The following THSD7B variants were observed in gnomAD, a reference collection of about 807,000 sequenced individuals.
The protein encoded by THSD7B is thrombospondin type-1 domain-containing protein 7B.
A neutral mutation model predicts 213.6 loss-of-function variants in THSD7B; 138 were observed. The ratio of observed to expected loss-of-function variants is 0.65; its 90% CI spans 0.56 to 0.74. The LOEUF is 0.74. Among genes scored for constraint, THSD7B ranks in the 30% least tolerant of loss-of-function variants. The probability of loss-of-function intolerance (pLI) is 0.00; values close to 1 mark genes in which losing one functional copy is unlikely to be tolerated. For missense variants in THSD7B, 1,931 were observed against 1,991.5 expected, an observed-to-expected ratio of 0.97 and a Z score of 0.58; for synonymous variants, 742 against 687.0, an observed-to-expected ratio of 1.08 and a Z score of -1.25.
At chr2:137,546,363 T>A (rs12329391) in intron 15 of THSD7B, among the ~76,000 whole-genome samples, 6,827 of 44,066 alleles carry the variant, frequency 0.15, 725 homozygotes, top group South Asian at 0.31. Flanking sequence ...ATATATATAT[T>A]ATATATATAT....
At chr2:137,034,047 T>G (rs906303707) in intron 2 of THSD7B, among the ~76,000 whole-genome samples, 7 of 148,394 alleles carry the variant, frequency 4.7e-5, no homozygotes, top group African/African-American at 1.7e-4. Flanking sequence ...GAACATGCGG[T>G]GTTTGGTTTT....
chr2:137,667,841 A>G lies in THSD7B; in HGVS notation c.4719A>G (p.Ile1573Met), dbSNP rs1683480096. 2 of 1,597,716 alleles carry G rather than the reference A, an allele frequency of 1.3e-6. No homozygotes were observed. The highest frequency in any genetic ancestry group is 2.3e-5 in the South Asian group (2 of 88,310). Residue 1573 changes from isoleucine (I) to methionine (M), a missense_variant, in exon 27 of 28, where the codon ATA (isoleucine) becomes ATG (methionine). Ile to Met is a conservative substitution (Grantham distance 10). Transcript: ENST00000409968. ...CTTTTCTCATCATGATTTTCCTAAT[A>G]TTTACTTCCTACCTTGTTTGGTAAG... is the stretch of plus-strand genomic sequence containing the variant. ...GGAFLIMIFL[I>M]FTSYLVCKKP...
At chr2:136,976,390 T>G (rs1015582089) in intron 2 of THSD7B, among the ~76,000 whole-genome samples, 6 of 152,222 alleles carry the variant, frequency 3.9e-5, no homozygotes, top group African/African-American at 1.4e-4. Flanking sequence ...GGATGTTGAA[T>G]TCTATTGAAG....
chr2:137,610,739 C>G (rs1007834429), intron 17 of THSD7B, among the ~76,000 whole-genome samples: 4 of 151,872 alleles, frequency 2.6e-5, no homozygotes, highest in African/African-American at 9.7e-5. Flanking sequence ...ATTTGTCTGA[C>G]AAGTTTACAT....
At chr2:137,392,293 T>C (rs913936176) in intron 12 of THSD7B, among the ~76,000 whole-genome samples, 2 of 152,194 alleles carry the variant, frequency 1.3e-5, no homozygotes, top group Admixed American at 1.3e-4. Flanking sequence ...TCACATCCAT[T>C]GTTTTTTGTT....
chr2:137,549,221 A>G (rs190421641), intron 15 of THSD7B, among the ~76,000 whole-genome samples: 1 of 149,852 alleles, frequency 6.7e-6, no homozygotes, highest in East Asian at 2.0e-4. Context: ...CCGTTAACTG[A>G]TCTCTGCTTT....
intron 3 of THSD7B, among the ~76,000 whole-genome samples, chr2:137,094,658 G>T (rs1266765788): frequency 1.3e-5 from 2 of 152,040 alleles, no homozygotes; most frequent in African/African-American, 4.8e-5. Flanking sequence ...TATCTTGCTA[G>T]AGTGAAGCAG....
intron 2 of THSD7B, 134 bp from the exon 3 acceptor site, chr2:137,056,286 T>G (rs1687161235): frequency 1.2e-6 from 1 of 806,926 alleles, no homozygotes; most frequent in Non-Finnish European, 1.9e-6. Context: ...CACTAAATTA[T>G]GTTGTCTCTG....
intron 9 of THSD7B, among the ~76,000 whole-genome samples, chr2:137,233,778 G>A (rs1681697912): frequency 6.6e-6 from 1 of 152,224 alleles, no homozygotes; most frequent in Non-Finnish European, 1.5e-5. Context: ...GGCTGTGGGA[G>A]TTTTATCACT....
intron 3 of THSD7B, among the ~76,000 whole-genome samples, chr2:137,089,010 G>A (rs930694832): frequency 3.3e-5 from 5 of 152,012 alleles, no homozygotes; most frequent in South Asian, 4.1e-4. Flanking sequence ...GAACACTTCC[G>A]CCCTGTTGGT....
At chr2:137,651,478 A>T (rs1683135600) in intron 21 of THSD7B, among the ~76,000 whole-genome samples, 1 of 151,622 alleles carries the variant, frequency 6.6e-6, no homozygotes, top group East Asian at 1.9e-4. Flanking sequence ...GTCTAGCTAA[A>T]AGTTTGTCAG....
chr2:136,971,530 G>T (rs1451375387), intron 2 of THSD7B, among the ~76,000 whole-genome samples: 1 of 151,168 alleles, frequency 6.6e-6, no homozygotes, highest in Non-Finnish European at 1.5e-5. Flanking sequence ...TAATACCAAG[G>T]AGCACTAAAT....
intron 12 of THSD7B, among the ~76,000 whole-genome samples, chr2:137,303,039 G>C (rs756448338): frequency 3.4e-4 from 52 of 152,096 alleles, no homozygotes; most frequent in Non-Finnish European, 2.9e-4. Flanking sequence ...TTCTTACTCT[G>C]TCACCCAGGT....
chr2:137,437,612 CAA>C (rs1687321656), intron 14 of THSD7B, among the ~76,000 whole-genome samples: 1 of 152,100 alleles, frequency 6.6e-6, no homozygotes, highest in Non-Finnish European at 1.5e-5. Context: ...TGAGTCATTT[CAA>C]AGAGCTTGGA....
intron 7 of THSD7B, among the ~76,000 whole-genome samples, chr2:137,213,070 G>A (rs1681156656): frequency 6.7e-6 from 1 of 149,950 alleles, no homozygotes; most frequent in African/African-American, 2.4e-5. Flanking sequence ...ACGTTGTCAG[G>A]TATGTAATAT....
chr2:137,308,365 A>G (rs115496686), intron 12 of THSD7B, among the ~76,000 whole-genome samples: 1,531 of 152,232 alleles, frequency 0.01, 10 homozygotes, highest in Non-Finnish European at 0.016. Flanking sequence ...ATCATCTATT[A>G]GGAGAAGATC....
At position 137,119,526 on chromosome 2, in the gene THSD7B, A is replaced by G. The variant is rs139560980; in HGVS notation, c.1369+4233A>G. On this transcript the variant is annotated intron_variant, in intron 5 of 27. Transcript: ENST00000409968. Reference sequence around the variant, plus strand: ...TTGGAGAGTCCATAAGCATGTTCTAAGGTGTGGGAGAACACATGAAAAGAA... The same window carrying G: ...TTGGAGAGTCCATAAGCATGTTCTAGGGTGTGGGAGAACACATGAAAAGAA... Among the ~76,000 whole-genome samples, 234 of 152,284 alleles carry G rather than the reference A, an allele frequency of 1.5e-3. 1 individual carries two copies. Among genetic ancestry groups the G allele is most frequent in the African/African-American group, 5.1e-3 (212 of 41,562 alleles).
chr2:137,086,234 G>A (rs1687839411), intron 3 of THSD7B, among the ~76,000 whole-genome samples: 1 of 152,058 alleles, frequency 6.6e-6, no homozygotes, highest in South Asian at 2.1e-4. Context: ...CTGTTTGGGA[G>A]GCTGAGGCAG....
Position 137,561,020 on chromosome 2 carries a change from C to A in THSD7B, c.3139-2201C>A, listed in dbSNP as rs867183056. On this transcript the variant is annotated intron_variant, in intron 15 of 27. Transcript: ENST00000409968. ...GCATGAACAATTCTTAAATGATAGA[C>A]ACATATGGGGAAAATTTTCAAGTAA... Among the ~76,000 whole-genome samples, 23 of 152,162 alleles carry A rather than the reference C, an allele frequency of 1.5e-4. 1 individual carries two copies. The highest frequency in any genetic ancestry group is 5.3e-4 in the African/African-American group (22 of 41,512).
Sources: gnomAD v4.1 joint callset for allele counts (sites outside exome capture counted in the v4.1 genomes callset) on GRCh38, gnomAD v4.1.1 for gene constraint, MANE v1.5 for transcripts, NCBI Gene and HGNC (gene_info 2026-07-23, HGNC 2026-07-21) for gene names.